PHYH: variants seen among roughly 807,000 people sequenced by gnomAD.
PHYH encodes phytanoyl-CoA 2-hydroxylase.
A neutral mutation model predicts 38.5 loss-of-function variants in PHYH; 32 were observed. That is an observed-to-expected ratio of 0.83 (90% CI 0.63 to 1.12). The LOEUF is 1.12. Ranked by LOEUF, PHYH falls within the 50% of genes most tolerant of loss-of-function variation. The pLI is 0.00. For missense variants in PHYH, 426 were observed against 434.8 expected (o/e 0.98, Z 0.18); for synonymous variants, 166 against 157.9 (o/e 1.05, Z -0.38).
intron 5 of PHYH, 111 bp from the exon 6 acceptor site, chr10:13,288,652 G>C: frequency 9.6e-7 from 1 of 1,042,102 alleles, no homozygotes; most frequent in Non-Finnish European, 1.5e-6. Context: ...GGAGGCTGAG[G>C]CAGATGGATG....
rs764704942 is a variant in PHYH, at chr10:13,283,796, T to C, written c.722A>G (p.Glu241Gly). Residue 241 changes from glutamate to glycine, a missense_variant, in exon 7 of 9, where the codon GAA becomes GGA. Glu to Gly is a moderately conservative substitution (Grantham distance 98). Coordinates refer to ENST00000263038, the MANE Select transcript of PHYH (RefSeq NM_006214.4). ...CACCAGGTGCACCCGGGCCTTGTTT[T>C]CCTCGTAGTCCTGGATCCCGTGGAA... is the stretch of plus-strand genomic sequence containing the variant. ...KMFHGIQDYE[E>G]NKARVHLVME... is the part of the protein sequence containing the mutation. The C allele has an allele frequency of 2.7e-5, 44 of 1,613,948 alleles. No homozygotes were observed. The highest frequency in any genetic ancestry group is 3.5e-5 in the Non-Finnish European group (41 of 1,179,970).
chr10:13,284,615 G>T (rs1295898913), intron 6 of PHYH, among the ~76,000 whole-genome samples: 2 of 152,102 alleles, frequency 1.3e-5, no homozygotes, highest in African/African-American at 4.8e-5. Flanking sequence ...CCCAAAATAG[G>T]GGGGAGAAAA....
chr10:13,280,043 A>AC (rs1420245885), intron 8 of PHYH, among the ~76,000 whole-genome samples: 1 of 150,428 alleles, frequency 6.6e-6, no homozygotes, highest in Non-Finnish European at 1.5e-5. Context: ...ATCTCGGCTC[A>AC]CTGCAAGCTC....
chr10:13,281,159 C>A, intron 7 of PHYH, 49 bp from the exon 8 acceptor site: 2 of 1,587,474 alleles, frequency 1.3e-6, no homozygotes, highest in Non-Finnish European at 1.7e-6. Context: ...CCCATGAATA[C>A]CAGTGACCAA....
chr10:13,287,427 A>G (rs1463422656), intron 6 of PHYH, among the ~76,000 whole-genome samples: 1 of 152,164 alleles, frequency 6.6e-6, no homozygotes, highest in East Asian at 1.9e-4. Flanking sequence ...TCTTCCCCCA[A>G]ATAAACTGCA....
Position 13,294,431 on chromosome 10 carries a change from G to A in PHYH, c.411C>T (p.Pro137=), listed in dbSNP as rs770983631. The A allele has an allele frequency of 3.3e-5, 54 of 1,613,768 alleles. No homozygotes were observed. The highest frequency in any genetic ancestry group is 4.4e-5 in the Non-Finnish European group (52 of 1,179,898). ...DKELFRYCTL[P]EILKYVECFT... is the part of the protein sequence containing the mutation. The stretch of plus-strand genomic sequence containing the variant: ...CAAAGCAAGGGTGGTCTCTGACCTC[G>A]GGGAGAGTGCAGTATCTGAAGAGCT... Residue 137 remains proline (P), a synonymous_variant, in exon 4 of 9, where the codon CCC becomes CCT. Coordinates refer to ENST00000263038, the MANE Select transcript of PHYH (RefSeq NM_006214.4).
intron 5 of PHYH, 147 bp from the exon 6 acceptor site, chr10:13,288,688 TC>T: frequency 4.1e-6 from 3 of 729,832 alleles, no homozygotes; most frequent in Non-Finnish European, 7.1e-6. Context: ...TTCAAAACCA[TC>T]CCGGGAAACA....
chr10:13,295,165 C>A, intron 3 of PHYH: 1 of 295,444 alleles, frequency 3.4e-6, no homozygotes, highest in Non-Finnish European at 6.4e-6. Flanking sequence ...TCTCTAAAAA[C>A]AAAGAAATAA....
At chr10:13,280,456 G>A (rs1199088087) in intron 8 of PHYH, among the ~76,000 whole-genome samples, 1 of 151,864 alleles carries the variant, frequency 6.6e-6, no homozygotes, top group East Asian at 1.9e-4. Context: ...TTTCAACTCA[G>A]CCTTCGAGTA....
intron 5 of PHYH, among the ~76,000 whole-genome samples, chr10:13,289,205 T>C (rs1390042855): frequency 2.0e-5 from 3 of 152,156 alleles, no homozygotes; most frequent in Non-Finnish European, 4.4e-5. Flanking sequence ...TTTGTTGTTA[T>C]TGTTTTTTGA....
rs775912561 is a variant in PHYH at position 13,294,508 on chromosome 10, C to G, written c.334G>C (p.Ala112Pro). The G allele has an allele frequency of 2.5e-6, 4 of 1,613,850 alleles. No homozygotes were observed. Among genetic ancestry groups the G allele is most frequent in the Non-Finnish European group, 3.4e-6 (4 of 1,179,832 alleles). ...TTCGTGATCATCTTCTCACTTGGAGCATATTCGGATTTCGAAATGGTCACA... is the reference window on the plus strand; with the variant it reads ...TTCGTGATCATCTTCTCACTTGGAGGATATTCGGATTTCGAAATGGTCACA... The part of the protein sequence containing the change: ...RDVTISKSEY[A>P]PSEKMITKVQ... Residue 112 changes from alanine to proline, a missense_variant, in exon 4 of 9, where the codon GCT (alanine) becomes CCT (proline). Physicochemically the swap from Ala to Pro is conservative, Grantham distance 27. Coordinates refer to ENST00000263038, the MANE Select transcript of PHYH (RefSeq NM_006214.4).
In PHYH at chr10:13,278,368, C is replaced by A. The variant is rs1410465201; in HGVS notation, c.964-14G>T. 3 of 1,599,846 alleles carry A rather than the reference C, an allele frequency of 1.9e-6. No individual in the cohort carries two copies. Among genetic ancestry groups the A allele is most frequent in the South Asian group, 1.1e-5 (1 of 90,790 alleles). On this transcript the variant is annotated splice_polypyrimidine_tract_variant and intron_variant, in intron 8 of 8. Coordinates refer to ENST00000263038, the MANE Select transcript of PHYH (RefSeq NM_006214.4). Reference sequence around the variant, plus strand: ...CATCCAAATATCCTGGAAATAATATCAAACAGAGTGGGTTTATGGAACACT... The same window carrying A: ...CATCCAAATATCCTGGAAATAATATAAAACAGAGTGGGTTTATGGAACACT...
intron 4 of PHYH, among the ~76,000 whole-genome samples, chr10:13,293,986 G>A (rs1217793379): frequency 2.0e-5 from 3 of 151,914 alleles, no homozygotes; most frequent in Non-Finnish European, 4.4e-5. Flanking sequence ...GGTGGATCAC[G>A]AGGTCAGAAG....
At chr10:13,295,893 C>T (rs571411418) in intron 2 of PHYH, among the ~76,000 whole-genome samples, 9 of 151,232 alleles carry the variant, frequency 6.0e-5, no homozygotes, top group African/African-American at 2.2e-4. Flanking sequence ...TGAGGCTAGG[C>T]GTGGGGGCTC....
At chr10:13,283,154 G>A (rs1048810596) in intron 7 of PHYH, among the ~76,000 whole-genome samples, 30 of 50,134 alleles carry the variant, frequency 6.0e-4, no homozygotes, top group African/African-American at 3.5e-3. Flanking sequence ...TTTTTGAGAC[G>A]GAGTCTCGCT....
chr10:13,285,309 G>A (rs1457588225), intron 6 of PHYH, among the ~76,000 whole-genome samples: 1 of 151,662 alleles, frequency 6.6e-6, no homozygotes, highest in African/African-American at 2.4e-5. Flanking sequence ...TCAGCCTCCC[G>A]AATAGCTGGG....
At chr10:13,295,005 G>T (rs542500463) in intron 3 of PHYH, 93 of 323,396 alleles carry the variant, frequency 2.9e-4, no homozygotes, top group Admixed American at 2.1e-3. Context: ...GGCATGGGAT[G>T]TGAAGTAAAT....
intron 4 of PHYH, among the ~76,000 whole-genome samples, chr10:13,292,286 C>T (rs1301350746): frequency 6.6e-6 from 1 of 152,204 alleles, no homozygotes; most frequent in Non-Finnish European, 1.5e-5. Flanking sequence ...GAGTCCCATA[C>T]AATTCACAGC....
intron 6 of PHYH, among the ~76,000 whole-genome samples, chr10:13,286,793 G>T (rs1020247606): frequency 6.6e-6 from 1 of 151,764 alleles, no homozygotes. Context: ...AAGCCAGAAC[G>T]GGACAAAAAA....
Sources: gnomAD v4.1 joint callset for allele counts (sites outside exome capture counted in the v4.1 genomes callset) on GRCh38, gnomAD v4.1.1 for gene constraint, MANE v1.5 for transcripts, NCBI Gene and HGNC (gene_info 2026-07-23, HGNC 2026-07-21) for gene names.